The following DHX32 variants were observed in gnomAD, a reference collection of about 807,000 sequenced individuals.
DHX32 encodes the protein putative pre-mRNA-splicing factor ATP-dependent RNA helicase DHX32.
In DHX32, 51 loss-of-function variants were observed where a neutral mutation model predicts 70.0. The observed-to-expected ratio is 0.73, with a 90% CI of 0.58 to 0.92. The LOEUF is 0.92. DHX32 is among the 40% of genes least tolerant of loss of function. The probability of loss-of-function intolerance (pLI) is 0.00; values close to 1 mark genes in which losing one functional copy is unlikely to be tolerated. For missense variants in DHX32, 762 were observed against 891.8 expected, an observed-to-expected ratio of 0.85 and a Z score of 1.85; for synonymous variants, 310 against 315.3, an observed-to-expected ratio of 0.98 and a Z score of 0.18.
chr10:125,838,468 C>T, intron 9 of DHX32, 81 bp from the exon 10 acceptor site: 1 of 1,303,292 alleles, frequency 7.7e-7, no homozygotes. Context: ...GAAAAAAATA[C>T]CAAAGTATTT....
rs147665874 is a variant in DHX32 at position 125,865,229 on chromosome 10, T to G, written c.476+1761A>C. On this transcript the variant is annotated intron_variant, in intron 2 of 10. Transcript: ENST00000284690. Reference sequence around the variant, plus strand: ...CACCCTTTCAGGGTCCTATGTCTTGTCCTGTCCAGCTCTTTAACTAGTTTG... The same window carrying G: ...CACCCTTTCAGGGTCCTATGTCTTGGCCTGTCCAGCTCTTTAACTAGTTTG... Among the ~76,000 whole-genome samples the G allele has an allele frequency of 1.4e-3, 206 of 152,320 alleles. 3 individuals are homozygous for G. The highest frequency in any genetic ancestry group is 4.2e-3 in the African/African-American group (175 of 41,582).
intron 8 of DHX32, among the ~76,000 whole-genome samples, chr10:125,839,480 A>G (rs1348015477): frequency 6.6e-6 from 1 of 152,176 alleles, no homozygotes; most frequent in African/African-American, 2.4e-5. Context: ...CTGAAGATGT[A>G]TTTCACTAAC....
intron 1 of DHX32, among the ~76,000 whole-genome samples, chr10:125,891,468 A>G (rs1485513760): frequency 2.0e-5 from 3 of 152,422 alleles, no homozygotes; most frequent in East Asian, 3.9e-4. Context: ...CCACAGGCAC[A>G]GTGGCTCATG....
rs1204412841 is a variant in DHX32 at position 125,866,136 on chromosome 10, G to A, written c.476+854C>T. On this transcript the variant is annotated intron_variant, in intron 2 of 10. Coordinates refer to ENST00000284690, the MANE Select transcript of DHX32 (RefSeq NM_018180.3). The surrounding 1 kb of genome is among the most constrained non-coding windows in gnomAD (Gnocchi z 4.8). ...GCAGTGCCCGGGGCAGCTGAAGCCC[G>A]TGGGATGGTCAACTCTGGCTCCAGG... Among the ~76,000 whole-genome samples, 1 of 152,198 alleles carries A rather than the reference G, an allele frequency of 6.6e-6. No homozygotes were observed. Among genetic ancestry groups the A allele is most frequent in the East Asian group, 1.9e-4 (1 of 5,188 alleles).
At chr10:125,889,512 G>A (rs1443391410) in intron 1 of DHX32, among the ~76,000 whole-genome samples, 1 of 152,256 alleles carries the variant, frequency 6.6e-6, no homozygotes, top group East Asian at 1.9e-4. Flanking sequence ...TAAAGAGCTT[G>A]CACCAGAATG....
At chr10:125,874,064 A>C (rs1039675284) in intron 1 of DHX32, among the ~76,000 whole-genome samples, 4 of 152,222 alleles carry the variant, frequency 2.6e-5, no homozygotes, top group African/African-American at 9.6e-5. Context: ...AGGATCGTTC[A>C]TAACCTGTCT....
chr10:125,866,824 C>G lies in DHX32; in HGVS notation c.476+166G>C, dbSNP rs187311730. Among the ~76,000 whole-genome samples the G allele has an allele frequency of 3.9e-5, 6 of 152,332 alleles. No homozygotes were observed. Among genetic ancestry groups the G allele is most frequent in the Admixed American group, 3.9e-4 (6 of 15,302 alleles). On this transcript the variant is annotated intron_variant, in intron 2 of 10. Coordinates refer to ENST00000284690, the MANE Select transcript of DHX32 (RefSeq NM_018180.3). This position sits in a 1 kb window ranked among gnomAD's most constrained non-coding sequence, Gnocchi z 4.8. ...TTTAGACAAGGAATCCCAGATGATG[C>G]CAGTGTGGGAAAGCAACTGTTGCTG...
At position 125,881,223 on chromosome 10, in the gene DHX32, A is replaced by G. The variant is rs1373950259; in HGVS notation, c.-399T>C. On this transcript the variant is annotated 5_prime_UTR_variant, in exon 1 of 11. Transcript: ENST00000284690. ...CTGCTGCCTGCTTAAAAGAACAGGA[A>G]TAATTTAGGCTGGTGTTTAAAGTTT... The G allele has an allele frequency of 6.3e-6, 1 of 158,874 alleles. No individual in the cohort carries two copies. The highest frequency in any genetic ancestry group is 1.4e-5 in the Non-Finnish European group (1 of 72,682). The allele number at this position is 158,874 out of a possible 1,614,324, so 9.8% of individuals were successfully genotyped here.
chr10:125,851,934 A>G (rs1411831193), intron 6 of DHX32, among the ~76,000 whole-genome samples: 2 of 151,566 alleles, frequency 1.3e-5, no homozygotes, highest in African/African-American at 4.8e-5. Context: ...AAAAAAAAAA[A>G]AAAAAAAGAA....
chr10:125,839,237 T>C (rs780429609), intron 8 of DHX32, 49 bp from the exon 9 acceptor site: 18 of 1,586,474 alleles, frequency 1.1e-5, no homozygotes, highest in Non-Finnish European at 1.6e-5. Context: ...TGTCAGAAGC[T>C]CTGAAGAGCC....
intron 1 of DHX32, among the ~76,000 whole-genome samples, chr10:125,889,342 T>C (rs1477245062): frequency 6.6e-6 from 1 of 152,198 alleles, no homozygotes; most frequent in African/African-American, 2.4e-5. Context: ...TCATAAACAA[T>C]ATACTTACAC....
At chr10:125,850,623 G>A (rs1428192604) in intron 6 of DHX32, among the ~76,000 whole-genome samples, 1 of 152,030 alleles carries the variant, frequency 6.6e-6, no homozygotes, top group East Asian at 1.9e-4. Flanking sequence ...CCAAAATGCT[G>A]GGATTAGAGG....
chr10:125,840,381 C>T (rs1854838108), intron 8 of DHX32, among the ~76,000 whole-genome samples: 1 of 152,252 alleles, frequency 6.6e-6, no homozygotes, highest in South Asian at 2.1e-4. Flanking sequence ...TCTGCAGCCT[C>T]CCCTCAGCAC....
At chr10:125,849,091 TA>T (rs1944058985) in intron 6 of DHX32, among the ~76,000 whole-genome samples, 1 of 152,174 alleles carries the variant, frequency 6.6e-6, no homozygotes, top group South Asian at 2.1e-4. Flanking sequence ...TAATCATTAA[TA>T]GCATTCATGC....
At chr10:125,845,194 T>G (rs1024860997) in intron 6 of DHX32, among the ~76,000 whole-genome samples, 1 of 152,186 alleles carries the variant, frequency 6.6e-6, no homozygotes, top group Non-Finnish European at 1.5e-5. Context: ...CATGTTCTTA[T>G]AGTGTTCTTA....
At chr10:125,840,555 C>T (rs1448153633) in intron 8 of DHX32, among the ~76,000 whole-genome samples, 2 of 152,206 alleles carry the variant, frequency 1.3e-5, no homozygotes, top group African/African-American at 2.4e-5. Context: ...GAGTCTGTGT[C>T]CCCCGTCACC....
upstream of DHX32, among the ~76,000 whole-genome samples, chr10:125,885,283 G>A (rs1191390727): frequency 6.6e-6 from 1 of 152,108 alleles, no homozygotes; most frequent in East Asian, 1.9e-4. Flanking sequence ...CTCCAAAGAT[G>A]TGCATGTAGG....
At chr10:125,852,663 T>C in intron 4 of DHX32, 21 bp from the exon 5 acceptor site, 1 of 1,584,198 alleles carries the variant, frequency 6.3e-7, no homozygotes, top group Non-Finnish European at 8.6e-7. Context: ...AAAGACAGCA[T>C]CATTAGCGTC....
intron 1 of DHX32, among the ~76,000 whole-genome samples, chr10:125,874,790 T>C (rs925825821): frequency 6.6e-6 from 1 of 151,908 alleles, no homozygotes; most frequent in African/African-American, 2.4e-5. Flanking sequence ...ATAAAAAATA[T>C]GAGAGGTAAG....
Sources: gnomAD v4.1 joint callset for allele counts (sites outside exome capture counted in the v4.1 genomes callset) on GRCh38, gnomAD v4.1.1 for gene constraint, Gnocchi (gnomAD v3.1) non-coding constraint, MANE v1.5 for transcripts, NCBI Gene and HGNC (gene_info 2026-07-23, HGNC 2026-07-21) for gene names.